The following KLRG1 variants were observed in gnomAD, a reference collection of about 807,000 sequenced individuals.
The protein encoded by KLRG1 is killer cell lectin like receptor G1, also known as killer cell lectin-like receptor subfamily G member 1.
Under a neutral mutation model 21.8 loss-of-function variants are expected in KLRG1, and 16 were observed. The observed-to-expected ratio is 0.73, with a 90% confidence interval of 0.50 to 1.11. The LOEUF (loss-of-function observed/expected upper bound fraction) is 1.11. Ranked by LOEUF, KLRG1 falls within the 50% of genes most tolerant of loss-of-function variation. The pLI is 0.00. For missense variants in KLRG1, 173 were observed against 218.3 expected, an observed-to-expected ratio of 0.79 and a Z score of 1.31; for synonymous variants, 69 against 75.9, an observed-to-expected ratio of 0.91 and a Z score of 0.47.
the KLRG1 span, chr12:9,079,281 A>G: frequency 3.7e-6 from 6 of 1,613,722 alleles, no homozygotes; most frequent in Non-Finnish European, 5.1e-6. Context: ...CGCTCCCCAA[A>G]GGTGCTGTAG....
chr12:8,956,617 T>C (rs1047069451), intron 1 of KLRG1, among the ~76,000 whole-genome samples: 11 of 152,040 alleles, frequency 7.2e-5, no homozygotes, highest in Non-Finnish European at 1.5e-4. Context: ...GGCTAATTTG[T>C]TGTATTTTTA....
chr12:9,040,336 G>A, the KLRG1 span, among the ~76,000 whole-genome samples: 83 of 152,172 alleles, frequency 5.5e-4, 1 homozygote, highest in African/African-American at 1.7e-3. Flanking sequence ...CTGTTTAAGC[G>A]CCTTCTGTGT....
chr12:9,035,562 C>G, the KLRG1 span, among the ~76,000 whole-genome samples: 69 of 149,272 alleles, frequency 4.6e-4, no homozygotes, highest in Non-Finnish European at 4.6e-4. Flanking sequence ...CAAAACTGCA[C>G]GTTCTGCACG....
chr12:9,194,762 C>T, the KLRG1 span, among the ~76,000 whole-genome samples: 4 of 152,148 alleles, frequency 2.6e-5, no homozygotes, highest in African/African-American at 9.6e-5. Context: ...CCGTGCCCGG[C>T]CAAAGTCAGG....
the KLRG1 span, among the ~76,000 whole-genome samples, chr12:9,120,533 T>A: frequency 2.2e-4 from 33 of 152,350 alleles, no homozygotes; most frequent in Non-Finnish European, 4.6e-4. Context: ...ATTGCTATAG[T>A]GCTTCCCAGG....
At chr12:9,119,395 G>A in the KLRG1 span, among the ~76,000 whole-genome samples, 2 of 152,112 alleles carry the variant, frequency 1.3e-5, no homozygotes, top group Admixed American at 6.5e-5. Flanking sequence ...GTGCCGCTGT[G>A]AAATCAAATA....
the KLRG1 span, among the ~76,000 whole-genome samples, chr12:9,040,091 T>C: frequency 6.6e-6 from 1 of 152,272 alleles, no homozygotes; most frequent in South Asian, 2.1e-4. Flanking sequence ...AAGAAGGCAC[T>C]CAATTATAGG....
chr12:9,173,894 T>C, the KLRG1 span, among the ~76,000 whole-genome samples: 5 of 152,096 alleles, frequency 3.3e-5, no homozygotes, highest in Admixed American at 1.3e-4. Flanking sequence ...AATTCTACCA[T>C]AGGTACAAAG....
the KLRG1 span, among the ~76,000 whole-genome samples, chr12:9,151,390 A>C: frequency 2.0e-5 from 3 of 152,248 alleles, no homozygotes; most frequent in Non-Finnish European, 4.4e-5. Context: ...TTTCATAGAA[A>C]TATTCATATT....
chr12:9,091,318 G>A, the KLRG1 span: 24 of 1,614,086 alleles, frequency 1.5e-5, no homozygotes, highest in Admixed American at 3.7e-4. Context: ...CTCGGAGAGA[G>A]GCAGTGGAAG....
the KLRG1 span, chr12:9,192,233 G>A: frequency 1.2e-6 from 2 of 1,613,932 alleles, no homozygotes; most frequent in African/African-American, 2.7e-5. Context: ...TTCCAGATCT[G>A]ACGATGACTC....
chr12:9,009,696 C>G lies in KLRG1; in HGVS notation c.*159C>G. 1.4e-6 allele frequency: 2 copies of G among 1,427,264 alleles called. No homozygotes were observed. Among genetic ancestry groups the G allele is most frequent in the South Asian group, 3.1e-5 (2 of 65,072 alleles). The allele number at this position is 1,427,264 out of a possible 1,614,324, so 88.4% of individuals were successfully genotyped here. On this transcript the variant is annotated 3_prime_UTR_variant, in exon 5 of 5. Transcript: ENST00000356986. ...CAAGACAACCTCCTAGGGATTGATG[C>G]CTAACTGATGGATTCTCTTTGAGAC...
intron 1 of KLRG1, chr12:8,971,234 T>G (rs1946561550): frequency 6.6e-6 from 1 of 152,154 alleles, no homozygotes. Context: ...TGGGTAAGTG[T>G]GTATTAACCA....
chr12:9,143,465 G>A, the KLRG1 span, among the ~76,000 whole-genome samples: 2 of 152,078 alleles, frequency 1.3e-5, no homozygotes, highest in East Asian at 1.9e-4. Flanking sequence ...GGGTCAAAAG[G>A]GGTTTCAGAG....
the KLRG1 span, among the ~76,000 whole-genome samples, chr12:9,214,608 T>C: frequency 6.6e-6 from 1 of 152,074 alleles, no homozygotes; most frequent in Non-Finnish European, 1.5e-5. Flanking sequence ...TACTTTCTTT[T>C]TTTTAAATGA....
chr12:9,167,704 C>G, the KLRG1 span, among the ~76,000 whole-genome samples: 3 of 152,124 alleles, frequency 2.0e-5, no homozygotes, highest in Non-Finnish European at 2.9e-5. Context: ...ATTTCAATCC[C>G]TGTTATGTAT....
At chr12:9,100,530 C>T in the KLRG1 span, among the ~76,000 whole-genome samples, 58 of 152,174 alleles carry the variant, frequency 3.8e-4, no homozygotes, top group African/African-American at 1.3e-3. Context: ...CCTCCCATCC[C>T]GTTCTCCCAA....
At position 9,003,972 on chromosome 12, in the gene KLRG1, C is replaced by T. The variant is rs530766074; in HGVS notation, c.358-5003C>T. On this transcript the variant is annotated intron_variant, in intron 3 of 4. Transcript: ENST00000356986. ...TGCGGTGTTTGGTTTTTTGTCCTTG[C>T]GATAGTTTACTGAGAATGATGATTT... Among the ~76,000 whole-genome samples the T allele has an allele frequency of 9.6e-4, 145 of 151,092 alleles. No individual in the cohort carries two copies. In the East Asian group the frequency reaches 0.014, roughly 14 times the overall value.
the KLRG1 span, among the ~76,000 whole-genome samples, chr12:9,191,884 T>C: frequency 2.0e-5 from 3 of 152,174 alleles, no homozygotes; most frequent in Admixed American, 6.5e-5. Flanking sequence ...ATGTACACTT[T>C]ATTGGGGGTG....
Sources: allele counts gnomAD v4.1 joint callset (sites outside exome capture counted in the v4.1 genomes callset), GRCh38; gene constraint gnomAD v4.1.1; transcripts MANE v1.5; gene names NCBI Gene and HGNC (gene_info 2026-07-23, HGNC 2026-07-21).